The following NBPF15 variants were observed in gnomAD, a reference collection of about 807,000 sequenced individuals.
The protein encoded by NBPF15 is NBPF member 15.
In NBPF15, 74 loss-of-function variants were observed where a neutral mutation model predicts 62.2. That is an observed-to-expected ratio of 1.19 (90% CI 0.99 to 1.44). NBPF15 has a LOEUF of 1.44. Ranked by LOEUF, NBPF15 falls within the 40% of genes most tolerant of loss-of-function variation. NBPF15 has a pLI of 0.00. For synonymous variants in NBPF15, 244 were observed against 209.7 expected, an observed-to-expected ratio of 1.16 and a Z score of -1.41; for missense variants, 790 against 550.0, an observed-to-expected ratio of 1.44 and a Z score of -4.36.
chr1:144,425,085 C>T (rs1411478939), intron 19 of NBPF15, among the ~76,000 whole-genome samples: 39 of 144,272 alleles, frequency 2.7e-4, no homozygotes, highest in Admixed American at 2.7e-3. Flanking sequence ...CACACACACA[C>T]ACACACACAC....
At chr1:144,447,404 C>T (rs1688356214) in intron 6 of NBPF15, among the ~76,000 whole-genome samples, 2 of 151,700 alleles carry the variant, frequency 1.3e-5, no homozygotes, top group South Asian at 2.1e-4. Flanking sequence ...GCAGCTATTG[C>T]CAGATACTCA....
At chr1:144,430,328 C>G (rs1268584913) in intron 13 of NBPF15, among the ~76,000 whole-genome samples, 4 of 151,574 alleles carry the variant, frequency 2.6e-5, no homozygotes, top group Admixed American at 6.6e-5. Flanking sequence ...TGCAAAAATA[C>G]TAGCCAACAT....
rs1652506930 is a variant in NBPF15 at position 144,461,033 on chromosome 1, T to A, written c.-937-72A>T. On this transcript the variant is annotated intron_variant, in intron 1 of 21. Transcript: ENST00000581897. ...CAACTTTGCAAGTCAGGGGCGCGAG[T>A]GGTCTCGCTTCTCAGGTCCCCAGAG... The A allele has an allele frequency of 2.0e-5, 3 of 149,814 alleles. No homozygotes were observed. The South Asian group carries it at 6.4e-4, about 32-fold the overall frequency. The allele number at this position is 149,814 out of a possible 1,614,324, so 9.3% of individuals were successfully genotyped here. A position where few individuals can be genotyped will look rare whatever the true frequency, so the allele number is the denominator to read the frequency against.
At chr1:144,445,195 T>C (rs1364178407) in intron 6 of NBPF15, among the ~76,000 whole-genome samples, 3 of 149,838 alleles carry the variant, frequency 2.0e-5, no homozygotes, top group South Asian at 2.1e-4. Context: ...TTTTGAGAAA[T>C]TGTTTCAATG....
chr1:144,444,526 C>G (rs1685873031), intron 6 of NBPF15, among the ~76,000 whole-genome samples: 2 of 151,506 alleles, frequency 1.3e-5, no homozygotes, highest in South Asian at 4.2e-4. Flanking sequence ...AGATAAGGGC[C>G]CCCAGCACCT....
At chr1:144,452,237 A>C in intron 4 of NBPF15, among the ~76,000 whole-genome samples, 1 of 152,186 alleles carries the variant, frequency 6.6e-6, no homozygotes, top group South Asian at 2.1e-4. Context: ...TTTTAATAGT[A>C]GATTTTTAAA....
At chr1:144,438,902 G>C (rs1428475758) in intron 8 of NBPF15, among the ~76,000 whole-genome samples, 1 of 151,826 alleles carries the variant, frequency 6.6e-6, no homozygotes, top group Non-Finnish European at 1.5e-5. Flanking sequence ...TTCCTCTTTA[G>C]CAACAAGACT....
intron 16 of NBPF15, among the ~76,000 whole-genome samples, chr1:144,427,602 G>A (rs1424439301): frequency 1.4e-5 from 2 of 145,904 alleles, no homozygotes; most frequent in Admixed American, 6.7e-5. Context: ...GGGCGCCACA[G>A]GCATGGCCTG....
At chr1:144,426,684 AT>A (rs1669930734) in intron 17 of NBPF15, among the ~76,000 whole-genome samples, 1 of 151,536 alleles carries the variant, frequency 6.6e-6, no homozygotes, top group South Asian at 2.1e-4. Flanking sequence ...AGCTCAGCGA[AT>A]TGGCCGGGTG....
In NBPF15 at chr1:144,422,399, C is replaced by T; in HGVS notation, c.*614G>A. ...TTGAGAGGAGCAGGGCTAAGGCCTC[C>T]CAATGCTGTTTGTCCATCTAGCTGT... On this transcript the variant is annotated 3_prime_UTR_variant, in exon 22 of 22. Transcript: ENST00000581897. 2.0e-5 allele frequency: 1 copy of T among 50,786 alleles called. No individual in the cohort carries two copies. Among genetic ancestry groups the T allele is most frequent in the Non-Finnish European group, 3.8e-5 (1 of 26,116 alleles). 3.1% of individuals were successfully genotyped at this position (50,786 alleles called of 1,614,324 possible).
At chr1:144,432,607 G>A (rs1297097930) in intron 13 of NBPF15, among the ~76,000 whole-genome samples, 2 of 151,894 alleles carry the variant, frequency 1.3e-5, no homozygotes, top group Non-Finnish European at 2.9e-5. Context: ...TAAAGGGATG[G>A]AGGAAGATCT....
At chr1:144,447,191 C>G (rs1688190966) in intron 6 of NBPF15, among the ~76,000 whole-genome samples, 1 of 152,286 alleles carries the variant, frequency 6.6e-6, no homozygotes, top group South Asian at 2.1e-4. Context: ...CCGCCATGAC[C>G]TCCAGCCTGC....
chr1:144,458,644 C>A (rs1198238350), intron 3 of NBPF15, among the ~76,000 whole-genome samples: 1 of 150,686 alleles, frequency 6.6e-6, no homozygotes, highest in Admixed American at 6.6e-5. Context: ...GATGACCATG[C>A]AGTCATCCGA....
At chr1:144,454,805 C>A (rs1693338024) in intron 4 of NBPF15, among the ~76,000 whole-genome samples, 1 of 145,446 alleles carries the variant, frequency 6.9e-6, no homozygotes, top group Non-Finnish European at 1.5e-5. Flanking sequence ...TCTAGGTGGG[C>A]AGAACTTGGT....
At chr1:144,437,772 C>A (rs370896041) in intron 9 of NBPF15, among the ~76,000 whole-genome samples, 173 bp downstream of exon 9, 35 of 148,986 alleles carry the variant, frequency 2.3e-4, no homozygotes, top group African/African-American at 4.3e-4. Flanking sequence ...GCAACCCATA[C>A]ATTTTTATTA....
intron 4 of NBPF15, among the ~76,000 whole-genome samples, chr1:144,452,344 T>C (rs1387477862): frequency 6.6e-6 from 1 of 151,964 alleles, no homozygotes; most frequent in Admixed American, 6.6e-5. Flanking sequence ...ACAGGACTAC[T>C]ATTATGTTCC....
chr1:144,441,672 G>A (rs1447469797), intron 6 of NBPF15, among the ~76,000 whole-genome samples: 1 of 150,224 alleles, frequency 6.7e-6, no homozygotes, highest in Non-Finnish European at 1.5e-5. Flanking sequence ...TGTGGTGAGT[G>A]CTACAGTATC....
intron 4 of NBPF15, among the ~76,000 whole-genome samples, chr1:144,453,379 G>A (rs1225747232): frequency 2.6e-5 from 4 of 151,726 alleles, no homozygotes; most frequent in African/African-American, 9.7e-5. Context: ...AGAATCCTAG[G>A]AGATAACATA....
chr1:144,436,437 TC>T (rs1678416051), intron 10 of NBPF15, among the ~76,000 whole-genome samples: 1 of 151,720 alleles, frequency 6.6e-6, no homozygotes, highest in Admixed American at 6.6e-5. Flanking sequence ...TTGTAAGTGT[TC>T]CCACATTTGA....
Sources: gnomAD v4.1 joint callset for allele counts (sites outside exome capture counted in the v4.1 genomes callset) on GRCh38, gnomAD v4.1.1 for gene constraint, MANE v1.5 for transcripts, NCBI Gene and HGNC (gene_info 2026-07-23, HGNC 2026-07-21) for gene names.